LINGO2: variants seen among roughly 807,000 people sequenced by gnomAD.
LINGO2 encodes the protein leucine-rich repeat and immunoglobulin-like domain-containing nogo receptor-interacting protein 2.
LINGO2 carries 14 observed loss-of-function variants against 30.6 expected under a neutral mutation model. The observed-to-expected ratio is 0.46, with a 90% CI of 0.30 to 0.72. The LOEUF is 0.72. Ranked by LOEUF, LINGO2 falls within the 30% of genes least tolerant of loss-of-function variation. LINGO2 has a pLI of 0.07. For missense variants in LINGO2, 729 were observed against 751.7 expected (o/e 0.97, Z 0.35); for synonymous variants, 317 against 288.5 (o/e 1.10, Z -1.00).
At chr9:28,637,461 T>G (rs551446181) in intron 1 of LINGO2, among the ~76,000 whole-genome samples, 1 of 152,340 alleles carries the variant, frequency 6.6e-6, no homozygotes, top group Admixed American at 6.5e-5. Context: ...GAGCATGGAA[T>G]GTTCTTCCAT....
At chr9:28,012,462 C>G (rs1822606207) in intron 4 of LINGO2, 1 of 151,928 alleles carries the variant, frequency 6.6e-6, no homozygotes, top group African/African-American at 2.4e-5. Flanking sequence ...AGGTTCTAAC[C>G]TTCTCTACTG....
At chr9:28,857,480 A>C in the LINGO2 span, among the ~76,000 whole-genome samples, 3 of 152,046 alleles carry the variant, frequency 2.0e-5, no homozygotes, top group Admixed American at 6.6e-5. Flanking sequence ...GGTCACCTAC[A>C]GGGATTAAGT....
intron 4 of LINGO2, among the ~76,000 whole-genome samples, chr9:28,067,509 G>C (rs930772205): frequency 2.0e-5 from 3 of 152,106 alleles, no homozygotes; most frequent in African/African-American, 7.2e-5. Context: ...CATGTGTTGA[G>C]AACCTAGTTG....
At chr9:28,569,667 T>G (rs1823575149) in intron 1 of LINGO2, among the ~76,000 whole-genome samples, 1 of 151,908 alleles carries the variant, frequency 6.6e-6, no homozygotes, top group Non-Finnish European at 1.5e-5. Context: ...GGGTACAAAC[T>G]TTCAGTTACG....
chr9:29,123,242 C>G, the LINGO2 span, among the ~76,000 whole-genome samples: 1 of 152,086 alleles, frequency 6.6e-6, no homozygotes, highest in African/African-American at 2.4e-5. Context: ...CCTAAGAACT[C>G]ATATATATTC....
At chr9:28,812,519 T>C in the LINGO2 span, among the ~76,000 whole-genome samples, 1 of 152,200 alleles carries the variant, frequency 6.6e-6, no homozygotes. Context: ...CTATGCTTAA[T>C]GGTCCAGTTG....
At chr9:28,851,978 G>C in the LINGO2 span, among the ~76,000 whole-genome samples, 291 of 151,850 alleles carry the variant, frequency 1.9e-3, 1 homozygote, top group African/African-American at 6.9e-3. Context: ...ACAGCAGAAA[G>C]TATCAGTATT....
intron 2 of LINGO2, among the ~76,000 whole-genome samples, chr9:28,405,818 T>C (rs1822484008): frequency 6.6e-6 from 1 of 152,178 alleles, no homozygotes; most frequent in African/African-American, 2.4e-5. Flanking sequence ...AAGCCTTCTC[T>C]ATGGTTTTTA....
At chr9:28,898,089 C>T in the LINGO2 span, among the ~76,000 whole-genome samples, 2 of 152,018 alleles carry the variant, frequency 1.3e-5, no homozygotes, top group African/African-American at 4.8e-5. Context: ...ACCTGCATTT[C>T]TAACAATTTA....
the LINGO2 span, among the ~76,000 whole-genome samples, chr9:28,802,210 T>C: frequency 1.8e-4 from 28 of 152,142 alleles, no homozygotes; most frequent in Admixed American, 3.9e-4. Flanking sequence ...ATTTGAACAA[T>C]GCTTTGCATA....
At chr9:28,149,517 C>G (rs1413979979) in intron 4 of LINGO2, among the ~76,000 whole-genome samples, 1 of 149,840 alleles carries the variant, frequency 6.7e-6, no homozygotes, top group Non-Finnish European at 1.5e-5. Context: ...GCCTCACAGT[C>G]TGGGAAGTGA....
intron 4 of LINGO2, among the ~76,000 whole-genome samples, chr9:28,040,315 C>A (rs1037125429): frequency 6.6e-6 from 1 of 151,900 alleles, no homozygotes; most frequent in African/African-American, 2.4e-5. Context: ...GCCTTCACTA[C>A]TAAAAATAAG....
the LINGO2 span, among the ~76,000 whole-genome samples, chr9:29,076,513 T>A: frequency 6.6e-6 from 1 of 150,436 alleles, no homozygotes; most frequent in Non-Finnish European, 1.5e-5. Flanking sequence ...AGGAACAGAA[T>A]GAGTATGGTA....
At chr9:29,053,967 A>G in the LINGO2 span, among the ~76,000 whole-genome samples, 1 of 152,188 alleles carries the variant, frequency 6.6e-6, no homozygotes, top group East Asian at 1.9e-4. Flanking sequence ...TATTTATAAT[A>G]TTAAAAGAAT....
At chr9:29,061,082 T>A in the LINGO2 span, among the ~76,000 whole-genome samples, 1 of 151,886 alleles carries the variant, frequency 6.6e-6, no homozygotes, top group African/African-American at 2.4e-5. Context: ...AGACACATCA[T>A]AATCAAGCTG....
At chr9:28,767,718 G>A in the LINGO2 span, among the ~76,000 whole-genome samples, 2 of 149,826 alleles carry the variant, frequency 1.3e-5, no homozygotes, top group Non-Finnish European at 1.5e-5. Flanking sequence ...CCTGGGAGGC[G>A]GAGCTTGCAG....
chr9:28,634,477 CTTTTTTTCTTTTT>C (rs1377905273), intron 1 of LINGO2, among the ~76,000 whole-genome samples: 1 of 135,860 alleles, frequency 7.4e-6, no homozygotes, highest in Non-Finnish European at 1.5e-5. Flanking sequence ...TCTTTCTTTT[CTTTTTTTCTTTTT>C]TTTTTTTTTT....
chr9:28,489,450 A>C (rs958272674), intron 1 of LINGO2, among the ~76,000 whole-genome samples: 4 of 152,174 alleles, frequency 2.6e-5, no homozygotes, highest in Admixed American at 2.6e-4. Context: ...GATTACAGGC[A>C]TAAGTCACTG....
At chr9:29,160,866 G>A in the LINGO2 span, among the ~76,000 whole-genome samples, 4 of 152,290 alleles carry the variant, frequency 2.6e-5, no homozygotes, top group East Asian at 3.9e-4. Flanking sequence ...GGTGCCAGGC[G>A]CATACTCCAC....
Sources: gnomAD v4.1 joint callset for allele counts (sites outside exome capture counted in the v4.1 genomes callset) on GRCh38, gnomAD v4.1.1 for gene constraint, MANE v1.5 for transcripts, NCBI Gene and HGNC (gene_info 2026-07-23, HGNC 2026-07-21) for gene names.